Variants in GLP2R observed in about 807,000 individuals in gnomAD.
GLP2R encodes the protein glucagon-like peptide 2 receptor.
A neutral mutation model predicts 68.2 loss-of-function variants in GLP2R; 59 were observed. That is an observed-to-expected ratio of 0.87 (90% CI 0.70 to 1.07). The LOEUF (loss-of-function observed/expected upper bound fraction) is 1.07. Ranked by LOEUF, GLP2R falls within the 50% of genes least tolerant of loss-of-function variation. GLP2R has a pLI of 0.00. For synonymous variants in GLP2R, 270 were observed against 265.4 expected (o/e 1.02, Z -0.17); for missense variants, 548 against 677.4 (o/e 0.81, Z 2.12).
chr17:9,890,180 C>T lies in GLP2R; in HGVS notation c.*475C>T. ...AAGACAGTGAGTCTGGGACCATGGC[C>T]AGGAATTGGAGCTGTTTAATAAGCA... On this transcript the variant is annotated 3_prime_UTR_variant, in exon 13 of 13. Transcript: ENST00000262441. 1 of 395,566 alleles carries T rather than the reference C, an allele frequency of 2.5e-6. No individual in the cohort carries two copies. The highest frequency in any genetic ancestry group is 5.0e-6 in the Non-Finnish European group (1 of 201,242). 24.5% of individuals were successfully genotyped at this position (395,566 alleles called of 1,614,324 possible).
chr17:9,846,557 T>C (rs1250561072), intron 4 of GLP2R, among the ~76,000 whole-genome samples: 1 of 152,172 alleles, frequency 6.6e-6, no homozygotes, highest in African/African-American at 2.4e-5. Flanking sequence ...AGGTTGAGAC[T>C]GTAATGAGCT....
In GLP2R at chr17:9,871,721, CTTTTTTTTT is replaced by C. The variant is rs372099240; in HGVS notation, c.1145+900_1145+908del. ...TTCCTAGTTATTCTTTACTTTCTTT[CTTTTTTTTT>C]TTTTTTTTTTTTTGACAGAGTCTTG... On this transcript the variant is annotated intron_variant, in intron 10 of 12. Coordinates refer to ENST00000262441, the MANE Select transcript of GLP2R (RefSeq NM_004246.3). Among the ~76,000 whole-genome samples, 6 of 102,308 alleles carry C rather than the reference CTTTTTTTTT, an allele frequency of 5.9e-5. No individual in the cohort carries two copies. In the South Asian group the frequency reaches 1.0e-3, roughly 17 times the overall value. 67.1% of individuals were successfully genotyped at this position (102,308 alleles called of 152,430 possible). A position where few individuals can be genotyped will look rare whatever the true frequency, so the allele number is the denominator to read the frequency against.
At chr17:9,840,169 G>A (rs1353582926) in intron 3 of GLP2R, among the ~76,000 whole-genome samples, 2 of 152,054 alleles carry the variant, frequency 1.3e-5, no homozygotes, top group Non-Finnish European at 2.9e-5. Flanking sequence ...TAGAGACAGG[G>A]TTTCACTATG....
chr17:9,886,014 T>C (rs2067241133), intron 11 of GLP2R, among the ~76,000 whole-genome samples: 1 of 152,142 alleles, frequency 6.6e-6, no homozygotes. Context: ...GGCTTGTGTG[T>C]GGGCAGAGGA....
chr17:9,871,067 T>C (rs1411533920), intron 10 of GLP2R, among the ~76,000 whole-genome samples: 4 of 152,056 alleles, frequency 2.6e-5, no homozygotes, highest in Non-Finnish European at 5.9e-5. Context: ...AGCAGAAAAC[T>C]GTTAAAATGC....
At chr17:9,878,821 A>G (rs998742349) in intron 10 of GLP2R, among the ~76,000 whole-genome samples, 1 of 152,194 alleles carries the variant, frequency 6.6e-6, no homozygotes, top group Admixed American at 6.5e-5. Flanking sequence ...ACCTTCCTTA[A>G]GAAACTCCCC....
chr17:9,829,153 G>A (rs1281410222), intron 1 of GLP2R, among the ~76,000 whole-genome samples: 1 of 152,052 alleles, frequency 6.6e-6, no homozygotes, highest in African/African-American at 2.4e-5. Context: ...CTAAATTCAA[G>A]CAGGGAGGTA....
intron 11 of GLP2R, among the ~76,000 whole-genome samples, chr17:9,881,161 T>A (rs992059532): frequency 6.6e-6 from 1 of 152,214 alleles, no homozygotes; most frequent in Non-Finnish European, 1.5e-5. Flanking sequence ...CTCCTGGGGC[T>A]GGAACTACCA....
intron 3 of GLP2R, among the ~76,000 whole-genome samples, chr17:9,841,692 C>T (rs950038833): frequency 7.2e-5 from 11 of 151,984 alleles, no homozygotes; most frequent in African/African-American, 2.7e-4. Flanking sequence ...AATTAGACAC[C>T]CTACCTAGCA....
In GLP2R at chr17:9,871,344, A is replaced by C. The variant is rs796144740; in HGVS notation, c.1145+509A>C. Among the ~76,000 whole-genome samples, 789 of 94,978 alleles carry C rather than the reference A, an allele frequency of 8.3e-3. 7 individuals are homozygous for C. The highest frequency in any genetic ancestry group is 0.031 in the African/African-American group (753 of 24,452). The allele number at this position is 94,978 out of a possible 152,430, so 62.3% of individuals were successfully genotyped here. On this transcript the variant is annotated intron_variant, in intron 10 of 12. Transcript: ENST00000262441. ...ACTCCAGCCTGGGTGACCCTGTCTC[A>C]AAAAAAAAAAAAAAAAAGTTTCTAA...
rs147605891 is a variant in GLP2R, at chr17:9,890,847, C to A, written c.*1142C>A. ...AGATCCAAGACTTTGCATCCACCAG[C>A]CTGTGGGATCTTTCCTGCCTACTGT... On this transcript the variant is annotated 3_prime_UTR_variant, in exon 13 of 13. Coordinates refer to ENST00000262441, the MANE Select transcript of GLP2R (RefSeq NM_004246.3). The A allele has an allele frequency of 6.6e-6, 1 of 152,338 alleles. No individual in the cohort carries two copies. Among genetic ancestry groups the A allele is most frequent in the Non-Finnish European group, 1.5e-5 (1 of 68,100 alleles). The allele number at this position is 152,338 out of a possible 1,614,324, so 9.4% of individuals were successfully genotyped here.
chr17:9,857,606 A>G, intron 6 of GLP2R, 30 bp downstream of exon 6: 1 of 1,608,380 alleles, frequency 6.2e-7, no homozygotes, highest in Non-Finnish European at 8.5e-7. Context: ...TTTACACTGG[A>G]CTCCCCACCT....
chr17:9,853,705 T>C (rs1335063646), intron 4 of GLP2R, among the ~76,000 whole-genome samples: 1 of 152,214 alleles, frequency 6.6e-6, no homozygotes, highest in Non-Finnish European at 1.5e-5. Flanking sequence ...ATATCTATTA[T>C]TAAAATTGCC....
intron 1 of GLP2R, among the ~76,000 whole-genome samples, chr17:9,826,644 C>T (rs1242424448): frequency 6.6e-6 from 1 of 152,186 alleles, no homozygotes; most frequent in Admixed American, 6.5e-5. Context: ...TTAGGTTGAG[C>T]AAATCCATTT....
chr17:9,889,308 C>A, intron 12 of GLP2R, 62 bp from the exon 13 acceptor site: 3 of 1,154,878 alleles, frequency 2.6e-6, no homozygotes, highest in Non-Finnish European at 3.8e-6. Context: ...TTAATATTTG[C>A]TAAATGGACA....
intron 11 of GLP2R, among the ~76,000 whole-genome samples, chr17:9,886,008 T>C (rs2067241061): frequency 6.6e-6 from 1 of 152,128 alleles, no homozygotes; most frequent in Non-Finnish European, 1.5e-5. Context: ...TTAGAGGGCT[T>C]GTGTGTGGGC....
At chr17:9,860,756 G>C (rs558761583) in intron 7 of GLP2R, among the ~76,000 whole-genome samples, 122 of 152,110 alleles carry the variant, frequency 8.0e-4, no homozygotes, top group African/African-American at 2.8e-3. Context: ...AGAGTTTTCT[G>C]ATTAAAAAAA....
intron 10 of GLP2R, among the ~76,000 whole-genome samples, chr17:9,873,579 T>TTTA (rs1555573361): frequency 7.1e-6 from 1 of 141,644 alleles, no homozygotes; most frequent in African/African-American, 2.7e-5. Context: ...TTTTTTTTTT[T>TTTA]AGCTCATCAG....
intron 10 of GLP2R, among the ~76,000 whole-genome samples, chr17:9,871,539 T>C (rs909767597): frequency 6.6e-6 from 1 of 152,072 alleles, no homozygotes. Context: ...ACAGGCATCC[T>C]TTAATTGTGA....
Sources: gnomAD v4.1 joint callset for allele counts (sites outside exome capture counted in the v4.1 genomes callset) on GRCh38, gnomAD v4.1.1 for gene constraint, MANE v1.5 for transcripts, NCBI Gene and HGNC (gene_info 2026-07-23, HGNC 2026-07-21) for gene names.